The following TSHR variants were observed in gnomAD, a reference collection of about 807,000 sequenced individuals.
TSHR encodes the protein thyroid stimulating hormone receptor.
A neutral mutation model predicts 64.1 loss-of-function variants in TSHR; 51 were observed. That is an observed-to-expected ratio of 0.80 (90% CI 0.64 to 1.01). The LOEUF (loss-of-function observed/expected upper bound fraction) is 1.01, where lower values mean the gene tolerates loss of function less well. Ranked by LOEUF, TSHR falls within the 50% of genes least tolerant of loss-of-function variation. The pLI, the probability that TSHR is intolerant of heterozygous loss-of-function variation, is 0.00. For synonymous variants in TSHR, 361 were observed against 361.9 expected (o/e 1.00, Z 0.03); for missense variants, 877 against 942.8 (o/e 0.93, Z 0.91).
chr14:81,026,757 C>T (rs1036537803), intron 1 of TSHR, among the ~76,000 whole-genome samples: 6 of 152,042 alleles, frequency 3.9e-5, no homozygotes, highest in Non-Finnish European at 8.8e-5. Flanking sequence ...AGCTTTGGGC[C>T]AGGCACAGTG....
At chr14:81,053,231 T>C (rs762612123) in intron 1 of TSHR, 4 of 152,134 alleles carry the variant, frequency 2.6e-5, no homozygotes, top group Non-Finnish European at 4.4e-5. Context: ...CAGAGATAAA[T>C]AATTTTTCTT....
chr14:81,071,413 T>C (rs148127085), intron 3 of TSHR, among the ~76,000 whole-genome samples: 5 of 152,186 alleles, frequency 3.3e-5, no homozygotes, highest in African/African-American at 4.8e-5. Flanking sequence ...CATCATTTTA[T>C]CCTTTGCTTT....
chr14:81,105,184 T>C, intron 7 of TSHR: 1 of 985,412 alleles, frequency 1.0e-6, no homozygotes, highest in Non-Finnish European at 1.2e-6. Context: ...AAATGTGGAT[T>C]TCAGAAGAAT....
chr14:81,033,558 T>TTG (rs201800348), intron 1 of TSHR, among the ~76,000 whole-genome samples: 15,631 of 128,966 alleles, frequency 0.12, 1,045 homozygotes, highest in South Asian at 0.25. Context: ...AAAATCAGGG[T>TTG]TTTTTTTTTT....
chr14:81,057,559 A>G (rs980101881), intron 1 of TSHR, among the ~76,000 whole-genome samples: 1 of 152,330 alleles, frequency 6.6e-6, no homozygotes, highest in South Asian at 2.1e-4. Flanking sequence ...ATTTTTACCA[A>G]TTCCCTCTTT....
intron 4 of TSHR, among the ~76,000 whole-genome samples, chr14:81,090,771 T>A (rs1287538023): frequency 6.6e-6 from 1 of 152,122 alleles, no homozygotes; most frequent in Non-Finnish European, 1.5e-5. Context: ...ACACGAAAAC[T>A]GAATTTATAT....
intron 1 of TSHR, among the ~76,000 whole-genome samples, chr14:81,018,292 G>A (rs1310867045): frequency 6.6e-6 from 1 of 152,122 alleles, no homozygotes; most frequent in Non-Finnish European, 1.5e-5. Flanking sequence ...TAACCTGCCT[G>A]AATACTTTCA....
chr14:81,072,036 C>A (rs1887109880), intron 3 of TSHR, among the ~76,000 whole-genome samples: 1 of 152,142 alleles, frequency 6.6e-6, no homozygotes, highest in South Asian at 2.1e-4. Context: ...GCAAGAGATG[C>A]CCAGTGAGCA....
At chr14:81,064,541 C>T (rs111397819) in intron 2 of TSHR, among the ~76,000 whole-genome samples, 2,330 of 152,132 alleles carry the variant, frequency 0.015, 81 homozygotes, top group African/African-American at 0.053. Context: ...GCTCTGAGAG[C>T]TGGGGATACA....
intron 8 of TSHR, among the ~76,000 whole-genome samples, chr14:81,114,225 C>T (rs930061042): frequency 2.8e-4 from 42 of 151,868 alleles, no homozygotes; most frequent in Admixed American, 7.9e-4. Context: ...CCAGCGTCAG[C>T]GACGCAGAAG....
At chr14:81,104,599 T>C in intron 7 of TSHR, 1 of 985,444 alleles carries the variant, frequency 1.0e-6, no homozygotes, top group Non-Finnish European at 1.2e-6. Flanking sequence ...CTTTACTGAA[T>C]GGCCGCTATG....
At chr14:80,959,576 T>G (rs1362707963) in intron 1 of TSHR, 3 of 152,350 alleles carry the variant, frequency 2.0e-5, no homozygotes, top group East Asian at 1.9e-4. Context: ...CACGCCTTAC[T>G]GTGTTGTTTT....
chr14:81,112,900 G>T (rs1036482258), intron 8 of TSHR, among the ~76,000 whole-genome samples: 2 of 152,178 alleles, frequency 1.3e-5, no homozygotes, highest in Non-Finnish European at 2.9e-5. Context: ...TAAAGTAAAC[G>T]GGGGAAAAAG....
chr14:81,079,275 T>C (rs1182130986), intron 3 of TSHR, among the ~76,000 whole-genome samples: 4 of 152,200 alleles, frequency 2.6e-5, no homozygotes, highest in African/African-American at 9.6e-5. Context: ...AACATACAGA[T>C]TGCTGCTGTT....
At chr14:80,979,416 T>A (rs1337886047) in intron 1 of TSHR, among the ~76,000 whole-genome samples, 1 of 152,150 alleles carries the variant, frequency 6.6e-6, no homozygotes, top group South Asian at 2.1e-4. Flanking sequence ...GGTATAAAGT[T>A]ACAGTTAGGT....
intron 1 of TSHR, among the ~76,000 whole-genome samples, chr14:81,037,440 C>A (rs138069510): frequency 0.078 from 8,514 of 109,442 alleles, 682 homozygotes; most frequent in Middle Eastern, 0.099. Flanking sequence ...AACAAACAAA[C>A]AAACAAAAAA....
At chr14:81,066,978 T>C (rs907482843) in intron 2 of TSHR, among the ~76,000 whole-genome samples, 1 of 152,230 alleles carries the variant, frequency 6.6e-6, no homozygotes, top group Non-Finnish European at 1.5e-5. Flanking sequence ...ATTCCTTATA[T>C]GTTCTTGACA....
Position 81,096,698 on chromosome 14 carries a change from T to C in TSHR, c.605T>C (p.Leu202Pro). The C allele has an allele frequency of 6.2e-7, 1 of 1,613,666 alleles. No homozygotes were observed. The highest frequency in any genetic ancestry group is 8.5e-7 in the Non-Finnish European group (1 of 1,179,638). Reference sequence around the variant, plus strand: ...GGATATGCTTTCAATGGGACAAAGCTGGATGCTGTGTAAGTCAAGGGTAGC... The same window carrying C: ...GGATATGCTTTCAATGGGACAAAGCCGGATGCTGTGTAAGTCAAGGGTAGC... ...VQGYAFNGTK[L>P]DAVYLNKNKY... Residue 202 changes from leucine (L) to proline (P), a missense_variant, in exon 7 of 10, where the codon CTG becomes CCG. Coordinates refer to ENST00000298171, the MANE Select transcript of TSHR (RefSeq NM_000369.5).
chr14:81,006,587 A>G (rs1201294836), intron 1 of TSHR, among the ~76,000 whole-genome samples: 2 of 151,804 alleles, frequency 1.3e-5, no homozygotes, highest in East Asian at 1.9e-4. Flanking sequence ...ATCTTGGCTC[A>G]CTGCAACCTC....
Sources: allele counts gnomAD v4.1 joint callset (sites outside exome capture counted in the v4.1 genomes callset), GRCh38; gene constraint gnomAD v4.1.1; transcripts MANE v1.5; gene names NCBI Gene and HGNC (gene_info 2026-07-23, HGNC 2026-07-21).